TBC1D32: variants seen among roughly 807,000 people sequenced by gnomAD.
The protein encoded by TBC1D32 is protein broad-minded.
In TBC1D32, 151 loss-of-function variants were observed where a neutral mutation model predicts 170.3. The observed-to-expected ratio is 0.89, with a 90% CI of 0.78 to 1.01. The LOEUF (loss-of-function observed/expected upper bound fraction) is 1.01. TBC1D32 is among the 50% of genes least tolerant of loss of function. TBC1D32 has a pLI of 0.00. For synonymous variants in TBC1D32, 498 were observed against 488.0 expected, an observed-to-expected ratio of 1.02 and a Z score of -0.27; for missense variants, 1,464 against 1,457.1, an observed-to-expected ratio of 1.00 and a Z score of -0.08.
intron 15 of TBC1D32, among the ~76,000 whole-genome samples, chr6:121,266,742 T>C (rs1222409202): frequency 3.3e-5 from 5 of 152,034 alleles, no homozygotes; most frequent in African/African-American, 1.2e-4. Context: ...TAAAAATGAA[T>C]GAGCTCATGT....
At chr6:121,236,615 T>C (rs1385069979) in intron 20 of TBC1D32, among the ~76,000 whole-genome samples, 1 of 152,134 alleles carries the variant, frequency 6.6e-6, no homozygotes, top group Non-Finnish European at 1.5e-5. Context: ...TTTCTGTATA[T>C]AGATTAGCAG....
At chr6:121,158,391 T>C (rs889973130) in intron 24 of TBC1D32, among the ~76,000 whole-genome samples, 1 of 152,170 alleles carries the variant, frequency 6.6e-6, no homozygotes. Context: ...ATTTTTTCTT[T>C]TAGCTCCTGG....
At chr6:121,194,933 C>A (rs1790533202) in intron 22 of TBC1D32, among the ~76,000 whole-genome samples, 1 of 152,194 alleles carries the variant, frequency 6.6e-6, no homozygotes. Context: ...ATAAATCCAA[C>A]TAAAATTCAG....
At chr6:121,310,235 G>A (rs1807984525) in intron 4 of TBC1D32, among the ~76,000 whole-genome samples, 1 of 152,010 alleles carries the variant, frequency 6.6e-6, no homozygotes, top group African/African-American at 2.4e-5. Flanking sequence ...AAACTGCTAA[G>A]AGAGTAGATT....
intron 17 of TBC1D32, among the ~76,000 whole-genome samples, chr6:121,253,697 C>T (rs572518251): frequency 1.4e-4 from 22 of 151,798 alleles, no homozygotes; most frequent in Non-Finnish European, 2.5e-4. Context: ...CCAGCCTGGG[C>T]GACAGAGCGA....
In TBC1D32 at chr6:121,267,273, G is replaced by A. The variant is rs766185221; in HGVS notation, c.1734-10988C>T. 4.3e-4 allele frequency among the ~76,000 whole-genome samples: 65 copies of A among 152,206 alleles called. No individual in the cohort carries two copies. In the Middle Eastern group the frequency reaches 0.017, roughly 40 times the overall value. On this transcript the variant is annotated intron_variant, in intron 15 of 31. Coordinates refer to ENST00000398212, the MANE Select transcript of TBC1D32 (RefSeq NM_152730.6). The stretch of plus-strand genomic sequence containing the variant: ...CAGATTCATCTCACTGGGGCTTGTC[G>A]TACACTGGGTGCAGCCCATGGAGTG...
chr6:121,168,508 A>T (rs1489763768), intron 22 of TBC1D32, among the ~76,000 whole-genome samples: 3 of 68,342 alleles, frequency 4.4e-5, no homozygotes, highest in Middle Eastern at 5.3e-3. Flanking sequence ...TGGGAATTGA[A>T]CAATGAGATC....
intron 12 of TBC1D32, among the ~76,000 whole-genome samples, chr6:121,290,188 A>G (rs909577105): frequency 1.3e-5 from 2 of 152,230 alleles, no homozygotes; most frequent in African/African-American, 4.8e-5. Context: ...ACAGCAAAAG[A>G]AACTACCATC....
At chr6:121,288,721 T>A (rs1804311469) in intron 12 of TBC1D32, among the ~76,000 whole-genome samples, 1 of 152,046 alleles carries the variant, frequency 6.6e-6, no homozygotes, top group Non-Finnish European at 1.5e-5. Flanking sequence ...TTTAGACCAA[T>A]ATCCCACATG....
At chr6:121,177,684 A>G (rs1478534483) in intron 22 of TBC1D32, among the ~76,000 whole-genome samples, 1 of 152,158 alleles carries the variant, frequency 6.6e-6, no homozygotes, top group African/African-American at 2.4e-5. Flanking sequence ...CATGTATAAA[A>G]TTATTTTAAA....
chr6:121,200,912 A>G (rs1434805520), intron 22 of TBC1D32, among the ~76,000 whole-genome samples: 1 of 151,410 alleles, frequency 6.6e-6, no homozygotes, highest in Non-Finnish European at 1.5e-5. Flanking sequence ...GCATTAGTTC[A>G]GGCTAAGGAA....
intron 12 of TBC1D32, among the ~76,000 whole-genome samples, chr6:121,286,600 T>G (rs1803882619): frequency 6.6e-6 from 1 of 152,120 alleles, no homozygotes; most frequent in South Asian, 2.1e-4. Context: ...CCAGGAGAAC[T>G]TCCCCAACCT....
chr6:121,319,878 G>A (rs1809455426), intron 2 of TBC1D32, among the ~76,000 whole-genome samples: 2 of 152,038 alleles, frequency 1.3e-5, no homozygotes, highest in Admixed American at 1.3e-4. Flanking sequence ...AGAAAAAACA[G>A]ATATAAAATA....
chr6:121,323,747 C>T (rs1202477442), intron 1 of TBC1D32, among the ~76,000 whole-genome samples: 2 of 152,148 alleles, frequency 1.3e-5, no homozygotes, highest in Non-Finnish European at 2.9e-5. Flanking sequence ...CGAGACCATC[C>T]TGGCCAGTAT....
At chr6:121,244,550 T>G (rs1797376278) in intron 17 of TBC1D32, among the ~76,000 whole-genome samples, 1 of 152,172 alleles carries the variant, frequency 6.6e-6, no homozygotes, top group Admixed American at 6.5e-5. Context: ...CTGCCTCTGC[T>G]GTGCTGTGTT....
intron 15 of TBC1D32, among the ~76,000 whole-genome samples, chr6:121,267,484 T>G (rs1800692894): frequency 6.6e-6 from 1 of 152,172 alleles, no homozygotes; most frequent in South Asian, 2.1e-4. Flanking sequence ...GCACCTGGCT[T>G]GGAGGGTCCC....
chr6:121,266,927 G>A (rs1206397864), intron 15 of TBC1D32, among the ~76,000 whole-genome samples: 3 of 151,992 alleles, frequency 2.0e-5, no homozygotes, highest in Non-Finnish European at 4.4e-5. Context: ...AAGGGGCAAG[G>A]GGAGGGAGAG....
chr6:121,152,093 G>A (rs1388624198), intron 24 of TBC1D32, among the ~76,000 whole-genome samples: 1 of 152,200 alleles, frequency 6.6e-6, no homozygotes, highest in African/African-American at 2.4e-5. Context: ...TTTCTTCACA[G>A]TGTTGATGGT....
intron 27 of TBC1D32, among the ~76,000 whole-genome samples, chr6:121,113,648 G>T (rs969983933): frequency 2.6e-5 from 4 of 152,162 alleles, no homozygotes; most frequent in African/African-American, 9.7e-5. Context: ...CAGGTGATTA[G>T]ACATGGGACA....
Sources: allele counts gnomAD v4.1 joint callset (sites outside exome capture counted in the v4.1 genomes callset), GRCh38; gene constraint gnomAD v4.1.1; transcripts MANE v1.5; gene names NCBI Gene and HGNC (gene_info 2026-07-23, HGNC 2026-07-21).